Variants in PTBP3 observed in about 807,000 individuals in gnomAD.
PTBP3 encodes polypyrimidine tract-binding protein 3.
In PTBP3, 20 loss-of-function variants were observed where a neutral mutation model predicts 58.7. That is an observed-to-expected ratio of 0.34 (90% CI 0.24 to 0.50). PTBP3 has a LOEUF of 0.50. Among genes scored for constraint, PTBP3 ranks in the 20% least tolerant of loss-of-function variants. The pLI is 0.98. For synonymous variants in PTBP3, 185 were observed against 219.8 expected, an observed-to-expected ratio of 0.84 and a Z score of 1.40; for missense variants, 509 against 637.2, an observed-to-expected ratio of 0.80 and a Z score of 2.17.
At position 112,268,208 on chromosome 9, in the gene PTBP3, C is replaced by T. The variant is rs1381303738; in HGVS notation, c.205-13G>A. ...TTTCTAAGAAAGCCTGCAATAAACACAAGAAGGTAAAGTTAAAGCTCATCT... is the reference window on the plus strand; with the variant it reads ...TTTCTAAGAAAGCCTGCAATAAACATAAGAAGGTAAAGTTAAAGCTCATCT... On this transcript the variant is annotated splice_polypyrimidine_tract_variant and intron_variant, in intron 3 of 13. Coordinates refer to ENST00000374257, the MANE Select transcript of PTBP3 (RefSeq NM_001163788.4). 2.5e-6 allele frequency: 4 copies of T among 1,601,432 alleles called. No individual in the cohort carries two copies. The South Asian group carries it at 4.5e-5, about 18-fold the overall frequency.
At chr9:112,347,341 C>CATT in the PTBP3 span, among the ~76,000 whole-genome samples, 108 of 130,904 alleles carry the variant, frequency 8.3e-4, no homozygotes, top group African/African-American at 3.1e-3. Flanking sequence ...ACTGGGATAC[C>CATT]TTTTTTTTTT....
At chr9:112,327,981 C>T (rs921583570) in intron 1 of PTBP3, among the ~76,000 whole-genome samples, 10 of 152,194 alleles carry the variant, frequency 6.6e-5, no homozygotes, top group African/African-American at 2.4e-4. Flanking sequence ...CCTCATGACA[C>T]ATTTTGGTGA....
chr9:112,355,820 G>C, the PTBP3 span, among the ~76,000 whole-genome samples: 1 of 151,802 alleles, frequency 6.6e-6, no homozygotes, highest in African/African-American at 2.4e-5. Flanking sequence ...AGGGTTTCGC[G>C]TTGGCCAGGC....
At chr9:112,230,621 A>G (rs1835162839) in intron 10 of PTBP3, among the ~76,000 whole-genome samples, 2 of 152,222 alleles carry the variant, frequency 1.3e-5, no homozygotes, top group Non-Finnish European at 2.9e-5. Flanking sequence ...GACAACCATT[A>G]AAATCAAGTA....
intron 12 of PTBP3, among the ~76,000 whole-genome samples, chr9:112,225,825 T>G (rs1448594010): frequency 6.6e-6 from 1 of 152,128 alleles, no homozygotes; most frequent in African/African-American, 2.4e-5. Context: ...GGGAGGCAGA[T>G]TGCTTGAGCT....
chr9:112,319,734 T>C (rs1039731323), intron 1 of PTBP3, among the ~76,000 whole-genome samples: 3 of 152,192 alleles, frequency 2.0e-5, no homozygotes, highest in African/African-American at 4.8e-5. Flanking sequence ...CCCATGTTCA[T>C]TGCAGAATTA....
intron 7 of PTBP3, among the ~76,000 whole-genome samples, chr9:112,243,843 A>G (rs1835759209): frequency 6.6e-6 from 1 of 152,236 alleles, no homozygotes; most frequent in Non-Finnish European, 1.5e-5. Flanking sequence ...CCTACCAGTT[A>G]AGAACTGTTA....
chr9:112,263,680 T>G (rs955750834), intron 4 of PTBP3, among the ~76,000 whole-genome samples: 3 of 152,188 alleles, frequency 2.0e-5, no homozygotes, highest in Non-Finnish European at 4.4e-5. Flanking sequence ...AAACAAATAT[T>G]ATTGGGTCCA....
At chr9:112,347,564 A>G in the PTBP3 span, among the ~76,000 whole-genome samples, 2 of 152,078 alleles carry the variant, frequency 1.3e-5, no homozygotes, top group African/African-American at 4.8e-5. Context: ...GCTGGTCTCG[A>G]ACTCTTGGGC....
chr9:112,331,885 T>C (rs1352141956), intron 1 of PTBP3, among the ~76,000 whole-genome samples: 1 of 152,234 alleles, frequency 6.6e-6, no homozygotes, highest in Non-Finnish European at 1.5e-5. Context: ...TCCTCTTTAT[T>C]ATAACTATAC....
chr9:112,225,706 T>C (rs765589284), intron 12 of PTBP3, among the ~76,000 whole-genome samples: 1 of 152,186 alleles, frequency 6.6e-6, no homozygotes, highest in Non-Finnish European at 1.5e-5. Context: ...TCTTCCTACA[T>C]GTCCTATGTA....
chr9:112,352,218 C>T, the PTBP3 span, among the ~76,000 whole-genome samples: 1 of 152,150 alleles, frequency 6.6e-6, no homozygotes, highest in African/African-American at 2.4e-5. Flanking sequence ...CTGTACCCTG[C>T]CTGGTTCCTT....
chr9:112,280,749 G>T (rs904797172), intron 2 of PTBP3, among the ~76,000 whole-genome samples: 1 of 110,066 alleles, frequency 9.1e-6, no homozygotes, highest in Non-Finnish European at 1.8e-5. Context: ...CTCTTCATAC[G>T]TGTGTGTCTG....
intron 2 of PTBP3, among the ~76,000 whole-genome samples, chr9:112,295,651 ATC>A: frequency 6.6e-6 from 1 of 152,074 alleles, no homozygotes; most frequent in East Asian, 1.9e-4. Flanking sequence ...ACAATAAACA[ATC>A]TCTGCCATTA....
chr9:112,229,974 T>C (rs760543111), intron 10 of PTBP3, among the ~76,000 whole-genome samples: 1 of 152,214 alleles, frequency 6.6e-6, no homozygotes, highest in Non-Finnish European at 1.5e-5. Flanking sequence ...GAAAATTACA[T>C]GCATCAATCA....
At chr9:112,320,659 C>A (rs987377538) in intron 1 of PTBP3, among the ~76,000 whole-genome samples, 2 of 151,996 alleles carry the variant, frequency 1.3e-5, no homozygotes, top group African/African-American at 4.8e-5. Flanking sequence ...AACCCACCGT[C>A]ATCAAGACAG....
chr9:112,291,519 A>T (rs1211209523), intron 2 of PTBP3, among the ~76,000 whole-genome samples: 1 of 152,246 alleles, frequency 6.6e-6, no homozygotes, highest in East Asian at 1.9e-4. Flanking sequence ...AAAGACAAAC[A>T]TATAGACCAA....
At chr9:112,254,759 G>T (rs1836277594) in intron 5 of PTBP3, among the ~76,000 whole-genome samples, 1 of 152,126 alleles carries the variant, frequency 6.6e-6, no homozygotes, top group Admixed American at 6.5e-5. Flanking sequence ...CAACCCCTGT[G>T]CACTGTTGGT....
chr9:112,284,398 T>G (rs1828013768), intron 2 of PTBP3, among the ~76,000 whole-genome samples: 1 of 152,138 alleles, frequency 6.6e-6, no homozygotes, highest in South Asian at 2.1e-4. Context: ...TTTTGGAGCC[T>G]TAAGATTTAA....
Sources: allele counts gnomAD v4.1 joint callset (sites outside exome capture counted in the v4.1 genomes callset), GRCh38; gene constraint gnomAD v4.1.1; transcripts MANE v1.5; gene names NCBI Gene and HGNC (gene_info 2026-07-23, HGNC 2026-07-21).